EPB41L4A: variants seen among roughly 807,000 people sequenced by gnomAD.
EPB41L4A encodes the protein erythrocyte membrane protein band 4.1 like 4A.
EPB41L4A carries 100 observed loss-of-function variants against 108.6 expected under a neutral mutation model. That is an observed-to-expected ratio of 0.92 (90% confidence interval 0.78 to 1.09). EPB41L4A has a LOEUF of 1.09. Ranked by LOEUF, EPB41L4A falls within the 50% of genes least tolerant of loss-of-function variation. EPB41L4A has a pLI of 0.00. For missense variants in EPB41L4A, 1,030 were observed against 842.7 expected (o/e 1.22, Z -2.75); for synonymous variants, 319 against 289.0 (o/e 1.10, Z -1.05).
chr5:112,267,046 C>G (rs946838255), intron 4 of EPB41L4A, among the ~76,000 whole-genome samples: 8 of 152,178 alleles, frequency 5.3e-5, no homozygotes, highest in African/African-American at 1.7e-4. Flanking sequence ...AGCTAGAACC[C>G]AAGCAATCTG....
At chr5:112,287,592 C>T (rs76373843) in intron 2 of EPB41L4A, among the ~76,000 whole-genome samples, 3,946 of 152,254 alleles carry the variant, frequency 0.026, 172 homozygotes, top group African/African-American at 0.09. Flanking sequence ...GGTTTCCTTT[C>T]GCACTCAAAG....
At chr5:112,408,454 C>G (rs910786650) in intron 1 of EPB41L4A, among the ~76,000 whole-genome samples, 64 of 151,982 alleles carry the variant, frequency 4.2e-4, no homozygotes, top group African/African-American at 1.4e-3. Flanking sequence ...AATTAAACAT[C>G]TGATAAGGAA....
intron 4 of EPB41L4A, among the ~76,000 whole-genome samples, chr5:112,272,306 G>C (rs553033129): frequency 6.6e-6 from 1 of 151,482 alleles, no homozygotes; most frequent in Admixed American, 6.6e-5. Flanking sequence ...ACGCGCAGCT[G>C]ATTTTTGTAT....
chr5:112,296,540 G>A (rs1173520726), intron 2 of EPB41L4A, among the ~76,000 whole-genome samples: 6 of 152,142 alleles, frequency 3.9e-5, no homozygotes, highest in Non-Finnish European at 5.9e-5. Context: ...TGGACTAATT[G>A]GAAAGAAAAA....
At chr5:112,221,788 A>G (rs979595610) in intron 12 of EPB41L4A, among the ~76,000 whole-genome samples, 3 of 152,234 alleles carry the variant, frequency 2.0e-5, no homozygotes, top group African/African-American at 4.8e-5. Context: ...TTTAACTTGA[A>G]TATATAATAG....
At chr5:112,345,697 GTGTT>G (rs1757597013) in intron 1 of EPB41L4A, among the ~76,000 whole-genome samples, 2 of 151,776 alleles carry the variant, frequency 1.3e-5, no homozygotes, top group African/African-American at 2.4e-5. Flanking sequence ...GTACGTGTGT[GTGTT>G]TATGTGTGCA....
At chr5:112,216,241 T>A (rs1439842147) in intron 12 of EPB41L4A, among the ~76,000 whole-genome samples, 1 of 152,192 alleles carries the variant, frequency 6.6e-6, no homozygotes, top group African/African-American at 2.4e-5. Context: ...CAAGATTTGG[T>A]GATGAATATA....
chr5:112,200,547 GACA>G (rs988796313), intron 15 of EPB41L4A, among the ~76,000 whole-genome samples: 3 of 152,196 alleles, frequency 2.0e-5, no homozygotes, highest in South Asian at 2.1e-4. Context: ...GCTCCCAAAG[GACA>G]ACAACTTTGT....
intron 1 of EPB41L4A, among the ~76,000 whole-genome samples, chr5:112,412,034 T>C (rs1490615278): frequency 6.6e-6 from 1 of 152,172 alleles, no homozygotes; most frequent in African/African-American, 2.4e-5. Flanking sequence ...AGATGAGGAC[T>C]CCACATTACT....
chr5:112,157,254 C>T (rs368641949), intron 12 of EPB41L4A, among the ~76,000 whole-genome samples: 1 of 151,952 alleles, frequency 6.6e-6, no homozygotes, highest in Non-Finnish European at 1.5e-5. Flanking sequence ...ATCCCTAGAA[C>T]TCACTATAAG....
Position 112,264,878 on chromosome 5 carries a change from T to A in EPB41L4A, c.554+18A>T. On this transcript the variant is annotated intron_variant, in intron 6 of 22. Transcript: ENST00000261486. ...GACTGATGGATGATGCAATAAGACA[T>A]GGTGTAATGATTCTTACATTAGAGT... The A allele has an allele frequency of 6.2e-7, 1 of 1,601,988 alleles. No homozygotes were observed. Among genetic ancestry groups the A allele is most frequent in the Non-Finnish European group, 8.5e-7 (1 of 1,176,612 alleles).
At chr5:112,327,560 T>A (rs1756255669) in intron 1 of EPB41L4A, among the ~76,000 whole-genome samples, 1 of 151,626 alleles carries the variant, frequency 6.6e-6, no homozygotes, top group African/African-American at 2.4e-5. Context: ...TACAAAAAAT[T>A]TAAAAATTAG....
At chr5:112,276,967 G>A (rs1752663264) in intron 3 of EPB41L4A, among the ~76,000 whole-genome samples, 1 of 152,064 alleles carries the variant, frequency 6.6e-6, no homozygotes, top group South Asian at 2.1e-4. Flanking sequence ...CTTATTATTG[G>A]AGTTGATTCC....
chr5:112,371,099 CTG>C, intron 1 of EPB41L4A, among the ~76,000 whole-genome samples: 2 of 152,104 alleles, frequency 1.3e-5, no homozygotes, highest in African/African-American at 4.8e-5. Context: ...TATATAATTT[CTG>C]TAATTTAATT....
chr5:112,320,650 A>C (rs905332473), intron 1 of EPB41L4A, among the ~76,000 whole-genome samples: 1 of 152,184 alleles, frequency 6.6e-6, no homozygotes, highest in African/African-American at 2.4e-5. Context: ...AGTATGGACA[A>C]AACAAGCTAC....
At chr5:112,305,334 G>T (rs927841256) in intron 2 of EPB41L4A, among the ~76,000 whole-genome samples, 1 of 152,190 alleles carries the variant, frequency 6.6e-6, no homozygotes, top group African/African-American at 2.4e-5. Context: ...TGAGTTCCGG[G>T]GTTCTAGGTT....
Position 112,184,067 on chromosome 5 carries a change from T to C in EPB41L4A, c.1571A>G (p.Glu524Gly), listed in dbSNP as rs1297860020. The C allele has an allele frequency of 1.2e-6, 2 of 1,614,060 alleles. No individual in the cohort carries two copies. Among genetic ancestry groups the C allele is most frequent in the Admixed American group, 1.7e-5 (1 of 60,012 alleles). ...GTTGTTGGGGTCGGCTTGGTTTTTT[T>C]CCTTTTGTCTCCTTAATACAGCTTC... is the stretch of plus-strand genomic sequence containing the variant. ...QWEAVLRRQK[E>G]KNQADPNNRR... Residue 524 changes from glutamate (E) to glycine (G), a missense_variant, in exon 18 of 23, where the codon GAA (glutamate) becomes GGA (glycine). Physicochemically the swap from Glu to Gly is moderately conservative, Grantham distance 98. Coordinates refer to ENST00000261486, the MANE Select transcript of EPB41L4A (RefSeq NM_022140.5).
chr5:112,372,440 C>T (rs191796482), intron 1 of EPB41L4A, among the ~76,000 whole-genome samples: 14 of 152,236 alleles, frequency 9.2e-5, no homozygotes. Context: ...AGAGCCAAAA[C>T]AAATCAGGAA....
intron 4 of EPB41L4A, among the ~76,000 whole-genome samples, chr5:112,266,641 C>A (rs1751882740): frequency 6.6e-6 from 1 of 152,200 alleles, no homozygotes; most frequent in African/African-American, 2.4e-5. Flanking sequence ...TCCCCACCTG[C>A]AAAACTGGAA....
Sources: allele counts gnomAD v4.1 joint callset (sites outside exome capture counted in the v4.1 genomes callset), GRCh38; gene constraint gnomAD v4.1.1; transcripts MANE v1.5; gene names NCBI Gene and HGNC (gene_info 2026-07-23, HGNC 2026-07-21).